The following COL28A1 variants were observed in gnomAD, a reference collection of about 807,000 sequenced individuals.
COL28A1 encodes collagen alpha-1(XXVIII) chain.
A neutral mutation model predicts 150.2 loss-of-function variants in COL28A1; 161 were observed. That is an observed-to-expected ratio of 1.07 (90% CI 0.94 to 1.22). The LOEUF (loss-of-function observed/expected upper bound fraction) is 1.22. COL28A1 is among the 50% of genes most tolerant of loss of function. The pLI is 0.00. For synonymous variants in COL28A1, 552 were observed against 469.7 expected (o/e 1.18, Z -2.26); for missense variants, 1,617 against 1,388.3 (o/e 1.16, Z -2.62).
At chr7:7,352,412 T>C (rs1780251174), downstream of COL28A1, among the ~76,000 whole-genome samples, 1 of 152,170 alleles carries the variant, frequency 6.6e-6, no homozygotes, top group African/African-American at 2.4e-5. Context: ...AGGGACTTTG[T>C]AGATGTAACT....
At chr7:7,520,353 T>C (rs1047385709) in intron 5 of COL28A1, among the ~76,000 whole-genome samples, 2 of 152,206 alleles carry the variant, frequency 1.3e-5, no homozygotes, top group Non-Finnish European at 2.9e-5. Context: ...TCCCACCAAT[T>C]ACTTCTTCCC....
At chr7:7,522,263 A>T (rs963698999) in intron 4 of COL28A1, among the ~76,000 whole-genome samples, 2 of 152,212 alleles carry the variant, frequency 1.3e-5, no homozygotes, top group Admixed American at 6.5e-5. Context: ...TCAAAAATAC[A>T]TGTATAATAT....
chr7:7,528,347 CA>C (rs1474797999), intron 3 of COL28A1, among the ~76,000 whole-genome samples: 1 of 152,038 alleles, frequency 6.6e-6, no homozygotes, highest in Non-Finnish European at 1.5e-5. Flanking sequence ...ATAAAAATAG[CA>C]ATAAAAATAT....
chr7:7,478,003 G>A (rs143973211), intron 13 of COL28A1, among the ~76,000 whole-genome samples: 14,919 of 151,370 alleles, frequency 0.099, 898 homozygotes, highest in Middle Eastern at 0.21. Flanking sequence ...ACAGAGTGTC[G>A]ATTGGTATAT....
chr7:7,369,369 C>G (rs955763195), intron 33 of COL28A1, among the ~76,000 whole-genome samples: 1 of 152,228 alleles, frequency 6.6e-6, no homozygotes, highest in Non-Finnish European at 1.5e-5. Flanking sequence ...CTTATTCATA[C>G]TCATTCATTT....
the COL28A1 span, among the ~76,000 whole-genome samples, chr7:7,349,699 C>T: frequency 1.3e-5 from 2 of 152,246 alleles, no homozygotes; most frequent in East Asian, 3.9e-4. Context: ...TCTTTCCTGC[C>T]TCTCAGGGAT....
At chr7:7,420,265 A>C (rs894538142) in intron 25 of COL28A1, 1 of 183,144 alleles carries the variant, frequency 5.5e-6, no homozygotes, top group Non-Finnish European at 1.1e-5. Flanking sequence ...AATAAAAAAC[A>C]ACCATTAAGA....
chr7:7,440,875 T>A lies in COL28A1; in HGVS notation c.1651-14A>T. 7.5e-7 allele frequency: 1 copy of A among 1,337,206 alleles called. No individual in the cohort carries two copies. The highest frequency in any genetic ancestry group is 1.1e-6 in the Non-Finnish European group (1 of 928,256). 82.8% of individuals were successfully genotyped at this position (1,337,206 alleles called of 1,614,324 possible). ...GCCTTCGTCACCCTAACAAAATAAT[T>A]ATGAAAATATAGATTTTCGTATGGT... On this transcript the variant is annotated splice_polypyrimidine_tract_variant and intron_variant, in intron 20 of 34. Coordinates refer to ENST00000399429, the MANE Select transcript of COL28A1 (RefSeq NM_001037763.3).
intron 13 of COL28A1, among the ~76,000 whole-genome samples, chr7:7,479,116 A>G (rs1789185546): frequency 6.6e-6 from 1 of 152,164 alleles, no homozygotes; most frequent in African/African-American, 2.4e-5. Flanking sequence ...CATTTTATAC[A>G]AGGGACTTGA....
At chr7:7,352,058 C>T (rs550587374), downstream of COL28A1, among the ~76,000 whole-genome samples, 1 of 152,288 alleles carries the variant, frequency 6.6e-6, no homozygotes, top group East Asian at 1.9e-4. Flanking sequence ...AAACCTTGGT[C>T]TCCACAACCC....
chr7:7,507,479 A>C (rs1290831168), intron 9 of COL28A1, among the ~76,000 whole-genome samples: 2 of 152,232 alleles, frequency 1.3e-5, no homozygotes, highest in African/African-American at 4.8e-5. Flanking sequence ...ACTTATTGGA[A>C]TATTATTTCC....
chr7:7,473,142 A>G (rs1278578716), intron 15 of COL28A1, among the ~76,000 whole-genome samples: 4 of 152,254 alleles, frequency 2.6e-5, no homozygotes, highest in Non-Finnish European at 5.9e-5. Context: ...TGAAGCATCC[A>G]AAAGCAAATG....
intron 21 of COL28A1, 126 bp from the exon 22 acceptor site, chr7:7,437,588 A>C: frequency 1.5e-6 from 2 of 1,338,902 alleles, no homozygotes; most frequent in Non-Finnish European, 1.9e-6. Context: ...TGTTTCAAAG[A>C]CCAATGTGAA....
intron 4 of COL28A1, among the ~76,000 whole-genome samples, chr7:7,522,395 A>G (rs923665568): frequency 1.3e-5 from 2 of 152,114 alleles, no homozygotes; most frequent in Non-Finnish European, 2.9e-5. Context: ...CTCCTTTACT[A>G]GGCAAAGGAA....
At chr7:7,393,658 G>T (rs891028265) in intron 27 of COL28A1, among the ~76,000 whole-genome samples, 1 of 152,196 alleles carries the variant, frequency 6.6e-6, no homozygotes, top group African/African-American at 2.4e-5. Context: ...GACCAGAGAG[G>T]ACGAATCTAG....
chr7:7,476,125 A>G (rs1263846776), intron 14 of COL28A1, among the ~76,000 whole-genome samples: 1 of 152,190 alleles, frequency 6.6e-6, no homozygotes, highest in African/African-American at 2.4e-5. Flanking sequence ...TAGTCACCTG[A>G]TGGAATGACT....
chr7:7,368,582 T>C (rs539155834), intron 33 of COL28A1, among the ~76,000 whole-genome samples: 1 of 152,256 alleles, frequency 6.6e-6, no homozygotes, highest in Admixed American at 6.5e-5. Flanking sequence ...GGTGGGGACT[T>C]TGGGAGGTGA....
At chr7:7,427,567 A>C (rs1156907862) in intron 25 of COL28A1, among the ~76,000 whole-genome samples, 1 of 152,152 alleles carries the variant, frequency 6.6e-6, no homozygotes, top group Admixed American at 6.5e-5. Context: ...TGGAGTGTAC[A>C]TATGTGAGCC....
At chr7:7,530,919 T>C (rs747573956) in intron 3 of COL28A1, among the ~76,000 whole-genome samples, 3 of 152,046 alleles carry the variant, frequency 2.0e-5, no homozygotes, top group Non-Finnish European at 4.4e-5. Context: ...TAAGAGAGAA[T>C]ATGTCAAGAT....
Sources: allele counts gnomAD v4.1 joint callset (sites outside exome capture counted in the v4.1 genomes callset), GRCh38; gene constraint gnomAD v4.1.1; transcripts MANE v1.5; gene names NCBI Gene and HGNC (gene_info 2026-07-23, HGNC 2026-07-21).